Variants in CKS1B observed in about 807,000 individuals in gnomAD.
CKS1B encodes CDC28 protein kinase regulatory subunit 1B, also known as cyclin-dependent kinases regulatory subunit 1.
Under a neutral mutation model 12.2 loss-of-function variants are expected in CKS1B, and 5 were observed. The observed-to-expected ratio is 0.41, with a 90% confidence interval of 0.21 to 0.86. The LOEUF is 0.86. Among genes scored for constraint, CKS1B ranks in the 40% least tolerant of loss-of-function variants. CKS1B has a pLI of 0.32. For missense variants in CKS1B, 53 were observed against 99.9 expected (o/e 0.53, Z 2.00); for synonymous variants, 24 against 34.4 (o/e 0.70, Z 1.06).
chr1:154,974,996 G>A, intron 1 of CKS1B, 192 bp downstream of exon 1: 1 of 1,552,838 alleles, frequency 6.4e-7, no homozygotes, highest in Non-Finnish European at 8.9e-7. Context: ...CAAAGTGGTT[G>A]CGAATTTGGA....
chr1:154,977,746 TG>T, intron 1 of CKS1B: 1 of 457,096 alleles, frequency 2.2e-6, no homozygotes. Context: ...GGAGAAAATG[TG>T]CCTTGAACTT....
chr1:154,977,708 A>G (rs1301620124), intron 1 of CKS1B: 9 of 356,468 alleles, frequency 2.5e-5, no homozygotes, highest in Non-Finnish European at 3.6e-5. Context: ...TAGATAATCA[A>G]CTAGAAGACT....
At position 154,978,446 on chromosome 1, in the gene CKS1B, G is replaced by C. The variant is rs897154089; in HGVS notation, c.188-279G>C. Reference sequence around the variant, plus strand: ...ATGTGTTCTAAATAAGCAAAGGAAAGTATATTTATTGATAAGACACCAGAC... The same window carrying C: ...ATGTGTTCTAAATAAGCAAAGGAAACTATATTTATTGATAAGACACCAGAC... On this transcript the variant is annotated intron_variant, in intron 2 of 2. Transcript: ENST00000308987. 32 of 556,048 alleles carry C rather than the reference G, an allele frequency of 5.8e-5. No homozygotes were observed. In the East Asian group the frequency reaches 9.4e-4, roughly 16 times the overall value. 34.4% of individuals were successfully genotyped at this position (556,048 alleles called of 1,614,324 possible).
At chr1:154,974,928 GGT>G (rs751186718) in intron 1 of CKS1B, 124 bp downstream of exon 1, 7 of 1,613,740 alleles carry the variant, frequency 4.3e-6, no homozygotes, top group East Asian at 4.5e-5. Context: ...AACGGGCAAT[GGT>G]GTGATATTGT....
chr1:154,976,721 T>C (rs1023245719), intron 1 of CKS1B, among the ~76,000 whole-genome samples: 1 of 152,214 alleles, frequency 6.6e-6, no homozygotes, highest in African/African-American at 2.4e-5. Flanking sequence ...TTTTTTGGTG[T>C]ATGTATTGAA....
chr1:154,976,863 T>C (rs1222589033), intron 1 of CKS1B, among the ~76,000 whole-genome samples: 2 of 152,218 alleles, frequency 1.3e-5, no homozygotes, highest in Non-Finnish European at 2.9e-5. Context: ...TACATTTTCA[T>C]TGAGCATGAC....
At chr1:154,977,744 T>C (rs1163921677) in intron 1 of CKS1B, 1 of 455,142 alleles carries the variant, frequency 2.2e-6, no homozygotes, top group Non-Finnish European at 3.9e-6. Flanking sequence ...GCGGAGAAAA[T>C]GTGCCTTGAA....
intron 1 of CKS1B, chr1:154,975,856 T>C (rs1044813092): frequency 4.5e-5 from 7 of 154,706 alleles, no homozygotes; most frequent in Non-Finnish European, 8.8e-5. Flanking sequence ...TACGCGTGTT[T>C]TCATTTATAT....
At chr1:154,974,935 TATTGTGGAAGGCGTAAGGCGCATG>T in intron 1 of CKS1B, 131 bp downstream of exon 1, 1 of 1,613,550 alleles carries the variant, frequency 6.2e-7, no homozygotes, top group Non-Finnish European at 8.5e-7. Context: ...AATGGTGTGA[TATTGTGGAAGGCGTAAGGCGCATG>T]CGCGGAGGTG....
At position 154,978,942 on chromosome 1, in the gene CKS1B, G is replaced by C. The variant is rs1255657603; in HGVS notation, c.*165G>C. 17 of 609,550 alleles carry C rather than the reference G, an allele frequency of 2.8e-5. No homozygotes were observed. The highest frequency in any genetic ancestry group is 4.4e-5 in the Non-Finnish European group (15 of 338,922). The allele number at this position is 609,550 out of a possible 1,614,324, so 37.8% of individuals were successfully genotyped here. A position where few individuals can be genotyped will look rare whatever the true frequency, so the allele number is the denominator to read the frequency against. Reference sequence around the variant, plus strand: ...TGGTAACTGCTTTGCTTCTTGAGTAGAGCCACCACCACCATAGCCCAGCCA... The same window carrying C: ...TGGTAACTGCTTTGCTTCTTGAGTACAGCCACCACCACCATAGCCCAGCCA... On this transcript the variant is annotated 3_prime_UTR_variant, in exon 3 of 3. Coordinates refer to ENST00000308987, the MANE Select transcript of CKS1B (RefSeq NM_001826.3).
At chr1:154,975,019 T>TAGAGAGG (rs1266124291) in intron 1 of CKS1B, 34 of 1,303,860 alleles carry the variant, frequency 2.6e-5, no homozygotes, top group Admixed American at 1.0e-4. Flanking sequence ...CGCCTCTCAG[T>TAGAGAGG]AGAGAGGAGA....
chr1:154,978,216 G>T (rs1657237626), intron 2 of CKS1B, 102 bp downstream of exon 2: 3 of 1,207,014 alleles, frequency 2.5e-6, no homozygotes, highest in Non-Finnish European at 3.3e-6. Flanking sequence ...ATGGTTTACT[G>T]GTTCCTTCCC....
chr1:154,979,138 T>C lies in CKS1B; in HGVS notation c.*361T>C, dbSNP rs557261089. On this transcript the variant is annotated 3_prime_UTR_variant, in exon 3 of 3. Transcript: ENST00000308987. ...TTTTGTTTTTTCCTGCCGGGTGTTG[T>C]ATGTGTGGTGACTTGCGGATTTATG... 4.4e-6 allele frequency: 1 copy of C among 227,600 alleles called. No homozygotes were observed. The highest frequency in any genetic ancestry group is 1.1e-4 in the East Asian group (1 of 8,920). The allele number at this position is 227,600 out of a possible 1,614,324, so 14.1% of individuals were successfully genotyped here. A position where few individuals can be genotyped will look rare whatever the true frequency, so the allele number is the denominator to read the frequency against.
chr1:154,974,920 C>T (rs745401055), intron 1 of CKS1B, 116 bp downstream of exon 1: 3 of 1,613,626 alleles, frequency 1.9e-6, no homozygotes, highest in Non-Finnish European at 1.7e-6. Context: ...GAGGTGCGAA[C>T]GGGCAATGGT....
chr1:154,975,026 G>T, intron 1 of CKS1B: 1 of 1,239,624 alleles, frequency 8.1e-7, no homozygotes, highest in South Asian at 1.2e-5. Flanking sequence ...CAGTAGAGAG[G>T]AGAGAGGGGT....
At chr1:154,975,177 G>A (rs1657127350) in intron 1 of CKS1B, 2 of 588,792 alleles carry the variant, frequency 3.4e-6, no homozygotes, top group East Asian at 5.6e-5. Flanking sequence ...CGTAGCAAAA[G>A]CGGAGCTGGA....
rs200615372 is a variant in CKS1B, at chr1:154,974,711, C to T, written c.-35C>T. On this transcript the variant is annotated 5_prime_UTR_variant, in exon 1 of 3. Transcript: ENST00000308987. ...CTGTTGGGAGTTGCTTGGAGGTTGG[C>T]GGCGCGGGGCTGAAGGCTAGCAAAC... The T allele has an allele frequency of 9.6e-6, 15 of 1,562,344 alleles. No individual in the cohort carries two copies. The East Asian group carries it at 2.1e-4, about 22-fold the overall frequency.
At chr1:154,978,612 T>G in intron 2 of CKS1B, 113 bp from the exon 3 acceptor site, 4 of 853,112 alleles carry the variant, frequency 4.7e-6, no homozygotes, top group Middle Eastern at 2.2e-4. Flanking sequence ...TAAGTCTTTA[T>G]TTAGTTATAA....
intron 1 of CKS1B, 170 bp from the exon 2 acceptor site, chr1:154,977,817 A>C (rs1044477409): frequency 7.1e-5 from 43 of 606,090 alleles, no homozygotes; most frequent in Non-Finnish European, 1.0e-4. Context: ...CTCGGAATTT[A>C]TATAACATAG....
Sources: gnomAD v4.1 joint callset for allele counts (sites outside exome capture counted in the v4.1 genomes callset) on GRCh38, gnomAD v4.1.1 for gene constraint, MANE v1.5 for transcripts, NCBI Gene and HGNC (gene_info 2026-07-23, HGNC 2026-07-21) for gene names.